ROBO2: variants seen among roughly 807,000 people sequenced by gnomAD.
ROBO2 encodes roundabout homolog 2.
Under a neutral mutation model 160.8 loss-of-function variants are expected in ROBO2, and 53 were observed. The ratio of observed to expected loss-of-function variants is 0.33; its 90% CI spans 0.26 to 0.41. The LOEUF (loss-of-function observed/expected upper bound fraction) is 0.41. ROBO2 is among the 10% of genes least tolerant of loss of function. ROBO2 has a pLI of 1.00. For synonymous variants in ROBO2, 664 were observed against 611.7 expected (o/e 1.09, Z -1.26); for missense variants, 1,577 against 1,722.4 (o/e 0.92, Z 1.49).
chr3:76,580,005 G>T (rs895713986), intron 2 of ROBO2, among the ~76,000 whole-genome samples: 3 of 152,020 alleles, frequency 2.0e-5, no homozygotes, highest in African/African-American at 7.3e-5. Context: ...TATACTCTTT[G>T]CTAGAGGCCA....
chr3:77,101,354 G>A (rs1371095108), intron 2 of ROBO2, among the ~76,000 whole-genome samples: 1 of 152,192 alleles, frequency 6.6e-6, no homozygotes, highest in Non-Finnish European at 1.5e-5. Flanking sequence ...CATCCATAGA[G>A]GTGAGGGGCA....
At chr3:77,007,297 G>A (rs930922693) in intron 2 of ROBO2, among the ~76,000 whole-genome samples, 12 of 152,010 alleles carry the variant, frequency 7.9e-5, no homozygotes, top group African/African-American at 2.9e-4. Flanking sequence ...CATCACCAAC[G>A]ACAGATACAT....
intron 2 of ROBO2, among the ~76,000 whole-genome samples, chr3:76,316,452 T>C (rs1333779600): frequency 1.3e-5 from 2 of 152,040 alleles, no homozygotes; most frequent in Non-Finnish European, 2.9e-5. Context: ...AAAATATGGC[T>C]GTATTCTGCC....
chr3:76,028,781 G>A (rs1427288757), intron 2 of ROBO2, among the ~76,000 whole-genome samples: 2 of 151,834 alleles, frequency 1.3e-5, no homozygotes, highest in Admixed American at 1.3e-4. Flanking sequence ...ATAAGCTACT[G>A]ACTAGATTTT....
chr3:77,574,469 G>T (rs2093712899), intron 13 of ROBO2, 30 bp from the exon 15 acceptor site: 2 of 1,578,142 alleles, frequency 1.3e-6, no homozygotes, highest in Admixed American at 1.7e-5. Context: ...CTTTCCTTTA[G>T]TTTCAAATGC....
At chr3:76,007,626 A>G (rs534008357) in intron 2 of ROBO2, among the ~76,000 whole-genome samples, 204 of 152,320 alleles carry the variant, frequency 1.3e-3, no homozygotes, top group Non-Finnish European at 2.2e-3. Context: ...TACCTCTGAC[A>G]TTAGGAGTAT....
intron 2 of ROBO2, among the ~76,000 whole-genome samples, chr3:76,647,979 A>G (rs2091063231): frequency 6.6e-6 from 1 of 152,208 alleles, no homozygotes; most frequent in South Asian, 2.1e-4. Context: ...GGCCAGCCAT[A>G]AAACATACAG....
At chr3:76,692,758 T>C (rs1160478626) in intron 2 of ROBO2, among the ~76,000 whole-genome samples, 1 of 152,100 alleles carries the variant, frequency 6.6e-6, no homozygotes, top group African/African-American at 2.4e-5. Flanking sequence ...ATTTCTGGAA[T>C]GCATAATCCA....
At chr3:77,105,124 G>T (rs949708871) in intron 2 of ROBO2, among the ~76,000 whole-genome samples, 2 of 151,994 alleles carry the variant, frequency 1.3e-5, no homozygotes, top group African/African-American at 2.4e-5. Flanking sequence ...TCTTTCACTT[G>T]TCAGGTTCAG....
At chr3:76,477,101 GA>G (rs1424048317) in intron 2 of ROBO2, among the ~76,000 whole-genome samples, 1 of 152,120 alleles carries the variant, frequency 6.6e-6, no homozygotes, top group African/African-American at 2.4e-5. Context: ...AGGTGTCTAT[GA>G]AAATAAACCA....
chr3:77,632,702 C>A (rs1333388468), intron 23 of ROBO2: 3 of 1,476,884 alleles, frequency 2.0e-6, no homozygotes, highest in Non-Finnish European at 2.7e-6. Flanking sequence ...AGAATCTTGT[C>A]CTTGGACACT....
chr3:77,173,431 T>C (rs1325320942), intron 2 of ROBO2, among the ~76,000 whole-genome samples: 1 of 152,124 alleles, frequency 6.6e-6, no homozygotes, highest in Non-Finnish European at 1.5e-5. Context: ...GTGACCTTGT[T>C]ATGTTGGTGT....
At chr3:77,188,944 T>C (rs1286992669) in intron 2 of ROBO2, among the ~76,000 whole-genome samples, 1 of 146,422 alleles carries the variant, frequency 6.8e-6, no homozygotes, top group African/African-American at 2.5e-5. Context: ...ATTACTTTTG[T>C]AATCTTGTGT....
chr3:76,829,902 AG>A (rs1198828577), intron 2 of ROBO2, among the ~76,000 whole-genome samples: 1 of 152,170 alleles, frequency 6.6e-6, no homozygotes, highest in African/African-American at 2.4e-5. Context: ...CTCTGATCTC[AG>A]GTGATCCACT....
intron 2 of ROBO2, among the ~76,000 whole-genome samples, chr3:76,893,300 C>G (rs1010961574): frequency 7.2e-6 from 1 of 139,310 alleles, no homozygotes; most frequent in African/African-American, 2.6e-5. Context: ...AAATTTAGAA[C>G]TTTTCAAGTG....
At chr3:76,425,147 C>T (rs1307739053) in intron 2 of ROBO2, among the ~76,000 whole-genome samples, 4 of 152,034 alleles carry the variant, frequency 2.6e-5, no homozygotes, top group Non-Finnish European at 5.9e-5. Context: ...TTTTCTAATC[C>T]GGGGCCTTTC....
chr3:76,984,109 G>GC (rs749649800), intron 2 of ROBO2, among the ~76,000 whole-genome samples: 16 of 151,912 alleles, frequency 1.1e-4, no homozygotes, highest in Non-Finnish European at 1.6e-4. Context: ...GGGGGAAACC[G>GC]CCCCCCGGGA....
intron 2 of ROBO2, among the ~76,000 whole-genome samples, chr3:76,319,907 G>A (rs1404125835): frequency 1.3e-5 from 2 of 151,962 alleles, no homozygotes; most frequent in Non-Finnish European, 2.9e-5. Context: ...TGTGTGGCAT[G>A]GTGATATGGT....
intron 2 of ROBO2, among the ~76,000 whole-genome samples, chr3:76,841,539 A>G (rs535138736): frequency 2.6e-5 from 4 of 152,226 alleles, no homozygotes; most frequent in Non-Finnish European, 4.4e-5. Flanking sequence ...AACTTTAGCA[A>G]TCCTGAAATC....
Sources: gnomAD v4.1 joint callset for allele counts (sites outside exome capture counted in the v4.1 genomes callset) on GRCh38, gnomAD v4.1.1 for gene constraint, MANE v1.5 for transcripts, NCBI Gene and HGNC (gene_info 2026-07-23, HGNC 2026-07-21) for gene names.